TRAK1: variants seen among roughly 807,000 people sequenced by gnomAD.
TRAK1 encodes trafficking kinesin protein 1, also known as trafficking kinesin-binding protein 1.
TRAK1 carries 33 observed loss-of-function variants against 92.1 expected under a neutral mutation model. The observed-to-expected ratio is 0.36, with a 90% confidence interval of 0.27 to 0.48. The LOEUF is 0.48. Ranked by LOEUF, TRAK1 falls within the 20% of genes least tolerant of loss-of-function variation. TRAK1 has a pLI of 0.99. For synonymous variants in TRAK1, 521 were observed against 517.3 expected, an observed-to-expected ratio of 1.01 and a Z score of -0.10; for missense variants, 1,123 against 1,257.9, an observed-to-expected ratio of 0.89 and a Z score of 1.62.
intron 1 of TRAK1, among the ~76,000 whole-genome samples, chr3:42,064,832 C>T (rs1052375486): frequency 6.6e-6 from 1 of 151,940 alleles, no homozygotes; most frequent in Non-Finnish European, 1.5e-5. Flanking sequence ...GCGGGCAGAT[C>T]ACGAGGTCAG....
chr3:42,020,013 A>C (rs973216061), intron 1 of TRAK1, among the ~76,000 whole-genome samples: 3 of 152,200 alleles, frequency 2.0e-5, no homozygotes, highest in Non-Finnish European at 4.4e-5. Flanking sequence ...AGAGTGACTG[A>C]AGACAGCTCA....
At chr3:42,085,048 T>C (rs970480219), upstream of TRAK1, among the ~76,000 whole-genome samples, 4 of 152,204 alleles carry the variant, frequency 2.6e-5, no homozygotes, top group African/African-American at 9.7e-5. Context: ...TTGAAACTTT[T>C]CGAGTGTTTA....
chr3:42,160,520 C>A, intron 2 of TRAK1: 3 of 1,542,932 alleles, frequency 1.9e-6, no homozygotes, highest in South Asian at 1.1e-5. Context: ...TTGTTAGTAT[C>A]TAAATAGGCT....
Position 42,201,107 on chromosome 3 carries a change from A to G in TRAK1, c.1427+53A>G, listed in dbSNP as rs573132073. On this transcript the variant is annotated intron_variant, in intron 12 of 15. Coordinates refer to ENST00000327628, the MANE Select transcript of TRAK1 (RefSeq NM_001042646.3). ...CTGTTTTGGGGTGAGGAGTGGTAGT[A>G]TGGATTGTCTGCAGGCTCAGTAATT... 122 of 1,558,368 alleles carry G rather than the reference A, an allele frequency of 7.8e-5. 1 individual carries two copies. Among genetic ancestry groups the G allele is most frequent in the African/African-American group, 2.7e-5 (2 of 73,870 alleles).
Position 42,177,008 on chromosome 3 carries a change from C to T in TRAK1, c.363+118C>T, listed in dbSNP as rs143323139. ...AGGAATCTTGGAAATTGGTCTCTTTCGAGGTATAATTTAATGGCTTTACTT... is the reference window on the plus strand; with the variant it reads ...AGGAATCTTGGAAATTGGTCTCTTTTGAGGTATAATTTAATGGCTTTACTT... On this transcript the variant is annotated intron_variant, in intron 3 of 15. Transcript: ENST00000327628. 3.6e-4 allele frequency: 324 copies of T among 911,282 alleles called. 2 individuals are homozygous for T. The African/African-American group carries it at 4.0e-3, about 11-fold the overall frequency. The allele number at this position is 911,282 out of a possible 1,614,324, so 56.4% of individuals were successfully genotyped here.
At chr3:42,173,973 T>C (rs1702879343) in intron 2 of TRAK1, among the ~76,000 whole-genome samples, 1 of 152,178 alleles carries the variant, frequency 6.6e-6, no homozygotes. Flanking sequence ...TAGTTTTCTG[T>C]TGTAAAATGG....
chr3:42,222,856 AC>A (rs530449146), intron 15 of TRAK1, 85 bp from the exon 16 acceptor site: 156 of 1,469,298 alleles, frequency 1.1e-4, no homozygotes, highest in Admixed American at 5.1e-4. Flanking sequence ...GGTCGTCCCT[AC>A]CCCCCCTGCA....
intron 5 of TRAK1, among the ~76,000 whole-genome samples, chr3:42,188,374 A>G (rs1705200875): frequency 6.6e-6 from 1 of 152,124 alleles, no homozygotes; most frequent in Non-Finnish European, 1.5e-5. Flanking sequence ...CTTATTGCTT[A>G]TTTGTCAATT....
chr3:42,214,863 C>T (rs1338788077), intron 14 of TRAK1, among the ~76,000 whole-genome samples: 8 of 152,136 alleles, frequency 5.3e-5, no homozygotes, highest in Non-Finnish European at 1.2e-4. Flanking sequence ...AAATAAATAC[C>T]AAGCCTCTGT....
chr3:42,022,728 A>G (rs939835341), intron 1 of TRAK1, among the ~76,000 whole-genome samples: 36 of 25,052 alleles, frequency 1.4e-3, no homozygotes, highest in Non-Finnish European at 0.013. Flanking sequence ...TTTTAAAAAA[A>G]AAAAAACAAA....
At chr3:42,198,178 G>A (rs966681490) in intron 10 of TRAK1, among the ~76,000 whole-genome samples, 6 of 152,210 alleles carry the variant, frequency 3.9e-5, no homozygotes, top group Non-Finnish European at 5.9e-5. Flanking sequence ...TCTACCATGT[G>A]TAAAGGATTG....
chr3:42,184,580 T>C (rs1395629719), intron 3 of TRAK1, 105 bp from the exon 4 acceptor site: 2 of 1,104,486 alleles, frequency 1.8e-6, no homozygotes. Flanking sequence ...AATTCCTTTG[T>C]TATTTCTAGA....
intron 1 of TRAK1, among the ~76,000 whole-genome samples, chr3:42,026,262 T>C (rs1701911189): frequency 6.6e-6 from 1 of 152,148 alleles, no homozygotes; most frequent in South Asian, 2.1e-4. Context: ...GTATAAGAAA[T>C]GTGGGTAAGT....
chr3:42,160,110 C>A, intron 2 of TRAK1: 35 of 751,182 alleles, frequency 4.7e-5, no homozygotes, highest in Non-Finnish European at 5.8e-5. Context: ...GCCAAGTGCT[C>A]CACCCCACCC....
intron 2 of TRAK1, among the ~76,000 whole-genome samples, chr3:42,151,989 G>A (rs748228859): frequency 6.6e-6 from 1 of 152,186 alleles, no homozygotes; most frequent in Non-Finnish European, 1.5e-5. Context: ...AAATTGCAGT[G>A]TTAGCACTGA....
intron 1 of TRAK1, among the ~76,000 whole-genome samples, chr3:42,018,856 G>T (rs1281768151): frequency 6.6e-6 from 1 of 152,232 alleles, no homozygotes; most frequent in African/African-American, 2.4e-5. Flanking sequence ...GAGTGTGGTG[G>T]CTTACGCCTA....
chr3:42,104,313 A>C (rs1027436719), intron 1 of TRAK1, among the ~76,000 whole-genome samples: 3 of 152,230 alleles, frequency 2.0e-5, no homozygotes, highest in African/African-American at 4.8e-5. Context: ...CTGCAGACTT[A>C]AATGTCCCTG....
At chr3:42,120,019 A>T (rs986389897) in intron 1 of TRAK1, among the ~76,000 whole-genome samples, 11 of 152,228 alleles carry the variant, frequency 7.2e-5, no homozygotes, top group Non-Finnish European at 1.0e-4. Flanking sequence ...TGGTCACCAC[A>T]GTGAGATTCC....
intron 1 of TRAK1, among the ~76,000 whole-genome samples, chr3:42,115,415 C>T (rs1530735): frequency 0.62 from 94,464 of 151,950 alleles, 29,680 homozygotes; most frequent in South Asian, 0.76. Flanking sequence ...AGCCTCACGT[C>T]GGACACCCTG....
Sources: gnomAD v4.1 joint callset for allele counts (sites outside exome capture counted in the v4.1 genomes callset) on GRCh38, gnomAD v4.1.1 for gene constraint, MANE v1.5 for transcripts, NCBI Gene and HGNC (gene_info 2026-07-23, HGNC 2026-07-21) for gene names.